The following SLC8A1 variants were observed in gnomAD, a reference collection of about 807,000 sequenced individuals.
SLC8A1 encodes sodium/calcium exchanger 1.
In SLC8A1, 18 loss-of-function variants were observed where a neutral mutation model predicts 68.3. That is an observed-to-expected ratio of 0.26 (90% CI 0.18 to 0.39). SLC8A1 has a LOEUF of 0.39. SLC8A1 is among the 10% of genes least tolerant of loss of function. The pLI is 1.00. For synonymous variants in SLC8A1, 475 were observed against 415.5 expected (o/e 1.14, Z -1.74); for missense variants, 985 against 1,156.7 (o/e 0.85, Z 2.15).
At chr2:40,492,186 G>A (rs1187702369) in intron 1 of SLC8A1, among the ~76,000 whole-genome samples, 1 of 151,974 alleles carries the variant, frequency 6.6e-6, no homozygotes, top group African/African-American at 2.4e-5. Flanking sequence ...CAGAAATAAC[G>A]CCACATATCT....
intron 2 of SLC8A1, among the ~76,000 whole-genome samples, chr2:40,386,093 G>T (rs1441720752): frequency 6.6e-6 from 1 of 151,206 alleles, no homozygotes; most frequent in Non-Finnish European, 1.5e-5. Flanking sequence ...ATATCTGATA[G>T]CATGGAGTAT....
At chr2:40,445,694 C>T (rs983567930) in intron 1 of SLC8A1, among the ~76,000 whole-genome samples, 1 of 152,172 alleles carries the variant, frequency 6.6e-6, no homozygotes, top group Non-Finnish European at 1.5e-5. Flanking sequence ...CTTCTGACAG[C>T]TAGCTGCATG....
At chr2:40,407,047 T>C (rs1240890752) in intron 2 of SLC8A1, among the ~76,000 whole-genome samples, 1 of 152,064 alleles carries the variant, frequency 6.6e-6, no homozygotes, top group East Asian at 1.9e-4. Flanking sequence ...TGTGTGATCT[T>C]AGTATGTCAC....
chr2:40,129,443 C>T (rs1383319091), intron 7 of SLC8A1, among the ~76,000 whole-genome samples: 1 of 152,040 alleles, frequency 6.6e-6, no homozygotes, highest in Non-Finnish European at 1.5e-5. Context: ...TCTATGTTGC[C>T]CAGGCTCATC....
chr2:40,350,353 G>C (rs1403752453), intron 2 of SLC8A1, among the ~76,000 whole-genome samples: 3 of 151,730 alleles, frequency 2.0e-5, no homozygotes, highest in East Asian at 1.9e-4. Context: ...TGTTGGTGTA[G>C]GCCTGTAGTC....
intron 2 of SLC8A1, among the ~76,000 whole-genome samples, chr2:40,384,398 A>G (rs1682910159): frequency 6.6e-6 from 1 of 152,144 alleles, no homozygotes; most frequent in Non-Finnish European, 1.5e-5. Context: ...TGAAAACACA[A>G]TGAGACAGTC....
chr2:40,408,709 C>T (rs546507127), intron 2 of SLC8A1, among the ~76,000 whole-genome samples: 7 of 152,150 alleles, frequency 4.6e-5, no homozygotes, highest in African/African-American at 1.4e-4. Context: ...TAAAACAGCA[C>T]GAAAGACCTG....
At chr2:40,099,443 C>A (rs557407985) in exon 8 of SLC8A1, 1 of 151,852 alleles carries the variant, frequency 6.6e-6, no homozygotes, top group Non-Finnish European at 1.5e-5. Flanking sequence ...TAGAAATAAC[C>A]GTAGACATGG....
At chr2:40,170,241 G>C (rs1042533098) in intron 4 of SLC8A1, 40 bp downstream of exon 7, 1 of 1,562,004 alleles carries the variant, frequency 6.4e-7, no homozygotes, top group Admixed American at 1.7e-5. Flanking sequence ...AAAGAACTCT[G>C]GGAGGCTGTG....
At chr2:40,243,231 C>G (rs2061429957) in intron 2 of SLC8A1, among the ~76,000 whole-genome samples, 1 of 152,150 alleles carries the variant, frequency 6.6e-6, no homozygotes, top group Non-Finnish European at 1.5e-5. Context: ...CGTGTAATCC[C>G]AGCACTCTGG....
chr2:40,115,462 C>A, exon 8 of SLC8A1: 1 of 1,614,140 alleles, frequency 6.2e-7, no homozygotes, highest in Non-Finnish European at 8.5e-7. Flanking sequence ...GCTAGTGTGC[C>A]AGGGGACACT....
chr2:40,131,041 T>A (rs1454088943), intron 7 of SLC8A1, among the ~76,000 whole-genome samples: 1 of 152,242 alleles, frequency 6.6e-6, no homozygotes, highest in Admixed American at 6.5e-5. Context: ...GTAAGGGAGA[T>A]CCAACATTTT....
At position 40,306,955 on chromosome 2, in the gene SLC8A1, T is replaced by C. The variant is rs186554915; in HGVS notation, c.1808+121518A>G. ...TGCATTTACTATAGTAAAGGCTTGTTCTGTTTTAGTCCATAAGTTGAAAAA... is the reference window on the plus strand; with the variant it reads ...TGCATTTACTATAGTAAAGGCTTGTCCTGTTTTAGTCCATAAGTTGAAAAA... On this transcript the variant is annotated intron_variant, in intron 2 of 7. Coordinates refer to ENST00000406785, the Ensembl canonical transcript of SLC8A1. Among the ~76,000 whole-genome samples the C allele has an allele frequency of 2.4e-3, 359 of 152,298 alleles. 4 individuals carry two copies. Among genetic ancestry groups the C allele is most frequent in the African/African-American group, 8.4e-3 (348 of 41,550 alleles).
chr2:40,389,019 T>C (rs2149589258), intron 2 of SLC8A1, among the ~76,000 whole-genome samples: 1 of 152,260 alleles, frequency 6.6e-6, no homozygotes, highest in East Asian at 1.9e-4. Flanking sequence ...TGTATATAAA[T>C]ACATACGTAT....
chr2:40,146,648 G>C (rs1229203068), intron 6 of SLC8A1, among the ~76,000 whole-genome samples: 2 of 132,530 alleles, frequency 1.5e-5, no homozygotes, highest in African/African-American at 5.9e-5. Context: ...GGCAGTGAAA[G>C]ATCGTCAGGC....
rs189801950 is a variant in SLC8A1 at position 40,495,031 on chromosome 2, C to T, written c.-25+17318G>A. Among the ~76,000 whole-genome samples, 203 of 151,558 alleles carry T rather than the reference C, an allele frequency of 1.3e-3. 1 individual carries two copies. The highest frequency in any genetic ancestry group is 2.5e-3 in the Non-Finnish European group (171 of 67,840). On this transcript the variant is annotated intron_variant, in intron 1 of 7. Transcript: ENST00000402441. ...CTTCTGGGAGGTAAGGTTTGGTACCCAAAAAAATCATACTGCTGGGAGGTG... is the reference window on the plus strand; with the variant it reads ...CTTCTGGGAGGTAAGGTTTGGTACCTAAAAAAATCATACTGCTGGGAGGTG...
At chr2:40,156,201 G>A (rs1175710646) in intron 6 of SLC8A1, among the ~76,000 whole-genome samples, 1 of 152,196 alleles carries the variant, frequency 6.6e-6, no homozygotes, top group Admixed American at 6.5e-5. Context: ...GGACTATAAT[G>A]GCCATCGACA....
At chr2:40,207,660 G>A (rs985382852) in intron 2 of SLC8A1, among the ~76,000 whole-genome samples, 1 of 151,872 alleles carries the variant, frequency 6.6e-6, no homozygotes. Flanking sequence ...AAAAAATATG[G>A]GCATAATGTC....
intron 2 of SLC8A1, among the ~76,000 whole-genome samples, chr2:40,323,867 A>C (rs2075500296): frequency 6.6e-6 from 1 of 152,172 alleles, no homozygotes; most frequent in African/African-American, 2.4e-5. Flanking sequence ...ATAGATAGGA[A>C]ACTAGTATGA....
Sources: gnomAD v4.1 joint callset for allele counts (sites outside exome capture counted in the v4.1 genomes callset) on GRCh38, gnomAD v4.1.1 for gene constraint, MANE v1.5 for transcripts, NCBI Gene and HGNC (gene_info 2026-07-23, HGNC 2026-07-21) for gene names.